GNB5: variants seen among roughly 807,000 people sequenced by gnomAD.
GNB5 encodes the protein G protein subunit beta 5.
GNB5 carries 37 observed loss-of-function variants against 55.3 expected under a neutral mutation model. The observed-to-expected ratio is 0.67, with a 90% CI of 0.51 to 0.88. GNB5 has a LOEUF of 0.88. GNB5 is among the 40% of genes least tolerant of loss of function. The pLI is 0.00. For missense variants in GNB5, 476 were observed against 515.3 expected (o/e 0.92, Z 0.74); for synonymous variants, 219 against 198.5 (o/e 1.10, Z -0.87).
intron 3 of GNB5, among the ~76,000 whole-genome samples, chr15:52,174,691 C>T (rs2034616440): frequency 6.6e-6 from 1 of 152,032 alleles, no homozygotes; most frequent in African/African-American, 2.4e-5. Flanking sequence ...TACCTTAAGG[C>T]AAGAATTTGG....
chr15:52,156,749 A>G (rs974326650), intron 3 of GNB5, among the ~76,000 whole-genome samples: 1 of 152,176 alleles, frequency 6.6e-6, no homozygotes, highest in African/African-American at 2.4e-5. Context: ...TTGTCTAAAA[A>G]TACAAACAAA....
Position 52,189,769 on chromosome 15 carries a change from A to T in GNB5, c.-19+1553T>A, listed in dbSNP as rs369746531. Among the ~76,000 whole-genome samples, 36 of 152,342 alleles carry T rather than the reference A, an allele frequency of 2.4e-4. 2 individuals are homozygous for T. The highest frequency in any genetic ancestry group is 7.9e-4 in the African/African-American group (33 of 41,574). On this transcript the variant is annotated intron_variant, in intron 1 of 12. Coordinates refer to ENST00000261837, the MANE Select transcript of GNB5 (RefSeq NM_016194.4). Reference sequence around the variant, plus strand: ...ATGACGTTCTGACACATGCTACAACATGGTCAAACCTTAAAAACGCTATCC... The same window carrying T: ...ATGACGTTCTGACACATGCTACAACTTGGTCAAACCTTAAAAACGCTATCC...
intron 2 of GNB5, chr15:52,181,006 T>C (rs2034760102): frequency 6.6e-6 from 1 of 152,208 alleles, no homozygotes; most frequent in South Asian, 2.1e-4. Flanking sequence ...AACTCAAGCC[T>C]TCTCCTTTTT....
At chr15:52,164,897 GTAA>G (rs1054633662) in intron 3 of GNB5, among the ~76,000 whole-genome samples, 7 of 152,142 alleles carry the variant, frequency 4.6e-5, no homozygotes, top group African/African-American at 1.7e-4. Context: ...CAGAAGGTGG[GTAA>G]TAATGAACTT....
intron 3 of GNB5, among the ~76,000 whole-genome samples, chr15:52,167,806 T>C (rs1204865438): frequency 2.6e-5 from 4 of 152,040 alleles, no homozygotes; most frequent in Admixed American, 2.6e-4. Flanking sequence ...TATCCAACAC[T>C]ATCAAGTTGG....
rs5812587 is a variant in GNB5 at position 52,183,333 on chromosome 15, T to TGGGGG, written c.126+1213_126+1217dup. 3.8e-4 allele frequency among the ~76,000 whole-genome samples: 55 copies of TGGGGG among 145,352 alleles called. 1 individual carries two copies. Among genetic ancestry groups the TGGGGG allele is most frequent in the African/African-American group, 1.4e-3 (53 of 39,216 alleles). Reference sequence around the variant, plus strand: ...GCAGAAGAGTTAGATTAATAAATAATGGGGGGGGGGTAAGGCCCCCAGAAA... The same window carrying TGGGGG: ...GCAGAAGAGTTAGATTAATAAATAATGGGGGGGGGGGGGGGTAAGGCCCCCAGAAA... On this transcript the variant is annotated intron_variant, in intron 2 of 12. Coordinates refer to ENST00000261837, the MANE Select transcript of GNB5 (RefSeq NM_016194.4).
rs890596218 is a variant in GNB5 at position 52,118,699 on chromosome 15, T to A, written c.*4058A>T. ...GTGTGACCAACATGGAGAAACCTGG[T>A]CTCTACTAAAAATACAAAATTAGCC... On this transcript the variant is annotated 3_prime_UTR_variant, in exon 13 of 13. Transcript: ENST00000261837. 4.6e-5 allele frequency: 7 copies of A among 151,702 alleles called. No homozygotes were observed. The highest frequency in any genetic ancestry group is 1.7e-4 in the African/African-American group (7 of 41,230). 9.4% of individuals were successfully genotyped at this position (151,702 alleles called of 1,614,324 possible).
At chr15:52,155,046 G>T (rs1248559406) in intron 3 of GNB5, among the ~76,000 whole-genome samples, 1 of 152,168 alleles carries the variant, frequency 6.6e-6, no homozygotes, top group Non-Finnish European at 1.5e-5. Flanking sequence ...TGCAGGGGAG[G>T]ACGCCAAGGT....
chr15:52,188,452 C>T (rs2034875609), intron 1 of GNB5, among the ~76,000 whole-genome samples: 1 of 152,090 alleles, frequency 6.6e-6, no homozygotes, highest in Admixed American at 6.6e-5. Context: ...GATTTGAGAC[C>T]ACTGAGGTCA....
At chr15:52,131,234 G>A (rs1022657090) in intron 9 of GNB5, among the ~76,000 whole-genome samples, 1 of 152,122 alleles carries the variant, frequency 6.6e-6, no homozygotes. Flanking sequence ...AAAAAGGAAT[G>A]TTGCATCTGT....
chr15:52,134,043 T>A (rs1380384899), intron 8 of GNB5, among the ~76,000 whole-genome samples: 2 of 152,224 alleles, frequency 1.3e-5, no homozygotes, highest in African/African-American at 4.8e-5. Flanking sequence ...CAGGGGCCCA[T>A]AAGGGTGCTG....
chr15:52,124,385 C>T, intron 12 of GNB5, 88 bp downstream of exon 12: 2 of 1,104,420 alleles, frequency 1.8e-6, no homozygotes, highest in Non-Finnish European at 2.7e-6. Context: ...CCTGAGCTTA[C>T]TCTGATAGCC....
chr15:52,133,197 A>C (rs1355718576), intron 9 of GNB5, among the ~76,000 whole-genome samples, 181 bp downstream of exon 9: 1 of 152,216 alleles, frequency 6.6e-6, no homozygotes, highest in East Asian at 1.9e-4. Context: ...AATGTAATTA[A>C]ATTAAAATTC....
intron 3 of GNB5, among the ~76,000 whole-genome samples, chr15:52,160,998 G>A (rs2034319737): frequency 6.6e-6 from 1 of 152,174 alleles, no homozygotes. Context: ...GGCTTTTGAT[G>A]TATGTTACCA....
chr15:52,136,064 A>AACACACACACACACACAC (rs147163026), intron 7 of GNB5, among the ~76,000 whole-genome samples: 1 of 98,016 alleles, frequency 1.0e-5, no homozygotes, highest in Non-Finnish European at 1.9e-5. Flanking sequence ...GGAAAAGCAG[A>AACACACACACACACACAC]ACACACACAC....
At chr15:52,128,001 GA>G (rs373149153) in intron 10 of GNB5, among the ~76,000 whole-genome samples, 194 bp downstream of exon 10, 150 of 152,064 alleles carry the variant, frequency 9.9e-4, no homozygotes, top group African/African-American at 3.6e-3. Flanking sequence ...TTGTTAAAAA[GA>G]AAAAAAGACA....
chr15:52,158,982 T>G (rs1039668943), intron 3 of GNB5, among the ~76,000 whole-genome samples: 8 of 152,178 alleles, frequency 5.3e-5, no homozygotes, highest in Admixed American at 2.6e-4. Flanking sequence ...CTGGGTCTTT[T>G]GGGGTGGTAT....
chr15:52,137,498 AG>A (rs1211689740), intron 7 of GNB5: 1 of 1,018,202 alleles, frequency 9.8e-7, no homozygotes, highest in African/African-American at 1.7e-5. Flanking sequence ...GCTTCTGGGC[AG>A]GAGAATGAGA....
chr15:52,165,579 A>T (rs540429652), intron 3 of GNB5, among the ~76,000 whole-genome samples: 5 of 152,344 alleles, frequency 3.3e-5, no homozygotes, highest in African/African-American at 1.2e-4. Flanking sequence ...CCAACCCAGA[A>T]TTTTATATGC....
Sources: gnomAD v4.1 joint callset for allele counts (sites outside exome capture counted in the v4.1 genomes callset) on GRCh38, gnomAD v4.1.1 for gene constraint, MANE v1.5 for transcripts, NCBI Gene and HGNC (gene_info 2026-07-23, HGNC 2026-07-21) for gene names.